CFAP54: variants seen among roughly 807,000 people sequenced by gnomAD.
CFAP54 encodes the protein cilia- and flagella-associated protein 54.
CFAP54 carries 290 observed loss-of-function variants against 370.4 expected under a neutral mutation model. That is an observed-to-expected ratio of 0.78 (90% CI 0.71 to 0.86). CFAP54 has a LOEUF of 0.86. CFAP54 is among the 40% of genes least tolerant of loss of function. The pLI, the probability that CFAP54 is intolerant of heterozygous loss-of-function variation, is 0.00. For missense variants in CFAP54, 3,399 were observed against 3,528.7 expected, an observed-to-expected ratio of 0.96 and a Z score of 0.93; for synonymous variants, 1,206 against 1,236.5, an observed-to-expected ratio of 0.98 and a Z score of 0.52.
intron 65 of CFAP54, among the ~76,000 whole-genome samples, chr12:96,822,059 A>G (rs1959041384): frequency 6.6e-6 from 1 of 152,178 alleles, no homozygotes; most frequent in African/African-American, 2.4e-5. Flanking sequence ...TTCAGAACAC[A>G]TATATTAATT....
rs752524874 is a variant in CFAP54 at position 96,580,932 on chromosome 12, G to A, written c.2902G>A (p.Gly968Ser). The A allele has an allele frequency of 1.3e-5, 20 of 1,496,098 alleles. No individual in the cohort carries two copies. The highest frequency in any genetic ancestry group is 5.1e-5 in the East Asian group (2 of 39,328). The allele number at this position is 1,496,098 out of a possible 1,614,324, so 92.7% of individuals were successfully genotyped here. A position where few individuals can be genotyped will look rare whatever the true frequency, so the allele number is the denominator to read the frequency against. Residue 968 changes from glycine to serine, a missense_variant, in exon 22 of 68, where the codon GGT (glycine) becomes AGT (serine). Transcript: ENST00000524981. ...PNSGEAIPADGKSVFEVKGLE... is the reference protein window; with the variant it reads ...PNSGEAIPADSKSVFEVKGLE... ...TTTTTCTTAATAGATACCAGCTGAC[G>A]GTAAAAGTGTTTTTGAAGTGAAAGG...
chr12:96,635,624 G>A (rs545035880), intron 32 of CFAP54, among the ~76,000 whole-genome samples: 18 of 152,250 alleles, frequency 1.2e-4, no homozygotes, highest in South Asian at 2.1e-4. Context: ...AAAGGGCTTG[G>A]TTCCACAACA....
Position 96,840,595 on chromosome 12 carries a change from T to C in CFAP54, c.9171+11507T>C, listed in dbSNP as rs144831703. ...TACTTCCTTTGGTTAAGTTGAGAGC[T>C]ACAGACTTTCTTTCTTTTCTCTGTT... On this transcript the variant is annotated intron_variant, in intron 66 of 67. Coordinates refer to ENST00000524981, the MANE Select transcript of CFAP54 (RefSeq NM_001306084.2). Among the ~76,000 whole-genome samples the C allele has an allele frequency of 1.2e-3, 177 of 149,984 alleles. 1 individual carries two copies. The East Asian group carries it at 0.032, about 27-fold the overall frequency.
intron 66 of CFAP54, among the ~76,000 whole-genome samples, chr12:96,858,825 A>G (rs1387771092): frequency 6.6e-6 from 1 of 152,232 alleles, no homozygotes; most frequent in East Asian, 1.9e-4. Context: ...TGTCCAGAGC[A>G]ATTTACAGAT....
chr12:96,819,582 T>C (rs1461992159), intron 65 of CFAP54, among the ~76,000 whole-genome samples: 1 of 152,212 alleles, frequency 6.6e-6, no homozygotes, highest in Non-Finnish European at 1.5e-5. Flanking sequence ...TTCTCTTCTA[T>C]GTATTGTTAC....
At chr12:96,708,452 C>T (rs1957569438) in intron 47 of CFAP54, among the ~76,000 whole-genome samples, 156 bp from the exon 48 acceptor site, 1 of 152,196 alleles carries the variant, frequency 6.6e-6, no homozygotes, top group Non-Finnish European at 1.5e-5. Context: ...TCCGATGTTA[C>T]ATGTCTCTCT....
chr12:96,685,079 C>A lies in CFAP54; in HGVS notation c.5855C>A (p.Pro1952Gln), dbSNP rs775743843. 15 of 1,613,932 alleles carry A rather than the reference C, an allele frequency of 9.3e-6. No individual in the cohort carries two copies. The highest frequency in any genetic ancestry group is 1.3e-5 in the Non-Finnish European group (15 of 1,179,996). ...CQALDDIFRK[P>Q]DVLHTWKEFG... ...GCTCTTGATGACATATTCAGAAAAC[C>A]AGACGTGCTACACACGTGGAAAGAA... Residue 1952 changes from proline (P) to glutamine (Q), a missense_variant, in exon 42 of 68, where the codon CCA becomes CAA. Coordinates refer to ENST00000524981, the MANE Select transcript of CFAP54 (RefSeq NM_001306084.2).
chr12:96,599,804 T>C (rs1024511401), intron 26 of CFAP54, among the ~76,000 whole-genome samples: 2 of 152,236 alleles, frequency 1.3e-5, no homozygotes, highest in African/African-American at 2.4e-5. Context: ...CATAAATGTC[T>C]TCTTTTAAGA....
At position 96,678,626 on chromosome 12, in the gene CFAP54, C is replaced by T. The variant is rs79783915; in HGVS notation, c.5564-974C>T. Among the ~76,000 whole-genome samples, 730 of 152,262 alleles carry T rather than the reference C, an allele frequency of 4.8e-3. 4 individuals carry two copies. Among genetic ancestry groups the T allele is most frequent in the African/African-American group, 0.017 (692 of 41,540 alleles). On this transcript the variant is annotated intron_variant, in intron 39 of 67. Coordinates refer to ENST00000524981, the MANE Select transcript of CFAP54 (RefSeq NM_001306084.2). ...GTCCTAATCAAGTTTTCCCTATCCT[C>T]GAAGGCACAGCTGGCCTATCTTCTC...
At chr12:96,706,656 C>A (rs926619281) in intron 47 of CFAP54, among the ~76,000 whole-genome samples, 2 of 152,086 alleles carry the variant, frequency 1.3e-5, no homozygotes, top group African/African-American at 4.8e-5. Flanking sequence ...CTGATTTATG[C>A]CATAAAGGGA....
At chr12:96,691,334 T>G in intron 44 of CFAP54, 24 bp downstream of exon 44, 1 of 1,512,942 alleles carries the variant, frequency 6.6e-7, no homozygotes, top group South Asian at 1.2e-5. Flanking sequence ...AAAATAAAAA[T>G]TATATATCAC....
At chr12:96,700,270 G>C (rs965039521) in intron 46 of CFAP54, among the ~76,000 whole-genome samples, 177 bp downstream of exon 46, 2 of 152,188 alleles carry the variant, frequency 1.3e-5, no homozygotes, top group African/African-American at 2.4e-5. Flanking sequence ...TGGGTTGGAA[G>C]AGTGTCATGG....
intron 60 of CFAP54, among the ~76,000 whole-genome samples, chr12:96,776,394 TATTA>T (rs1204247307): frequency 1.3e-5 from 2 of 152,108 alleles, no homozygotes; most frequent in African/African-American, 2.4e-5. Context: ...AATTAAAGTT[TATTA>T]ATTAATTTAA....
intron 58 of CFAP54, among the ~76,000 whole-genome samples, chr12:96,763,789 A>G (rs1043792364): frequency 5.3e-5 from 8 of 152,144 alleles, no homozygotes; most frequent in Admixed American, 6.6e-5. Context: ...AAAAATGTAT[A>G]TATATAATTT....
intron 23 of CFAP54, among the ~76,000 whole-genome samples, chr12:96,590,468 A>T (rs1243830422): frequency 6.6e-6 from 1 of 152,254 alleles, no homozygotes; most frequent in East Asian, 1.9e-4. Flanking sequence ...AATGCCTGAA[A>T]GTTTTAAAAT....
At chr12:96,560,852 T>C (rs575454295) in intron 17 of CFAP54, among the ~76,000 whole-genome samples, 1 of 152,336 alleles carries the variant, frequency 6.6e-6, no homozygotes, top group African/African-American at 2.4e-5. Context: ...CCTCCATTGG[T>C]GATCCTTCCT....
chr12:96,778,506 G>T (rs1958547659), intron 60 of CFAP54, among the ~76,000 whole-genome samples: 1 of 152,144 alleles, frequency 6.6e-6, no homozygotes, highest in South Asian at 2.1e-4. Context: ...AGTATGCTTT[G>T]CAATTTCTTC....
intron 60 of CFAP54, among the ~76,000 whole-genome samples, chr12:96,771,971 A>G (rs1958467284): frequency 6.6e-6 from 1 of 152,246 alleles, no homozygotes; most frequent in Non-Finnish European, 1.5e-5. Flanking sequence ...TTCAGTCAGA[A>G]AAAGAAAGTT....
intron 40 of CFAP54, among the ~76,000 whole-genome samples, chr12:96,683,269 A>G (rs1011522828): frequency 1.3e-5 from 2 of 152,230 alleles, no homozygotes; most frequent in African/African-American, 4.8e-5. Flanking sequence ...TATATCCTGG[A>G]TATGGAATCA....
Sources: allele counts gnomAD v4.1 joint callset (sites outside exome capture counted in the v4.1 genomes callset), GRCh38; gene constraint gnomAD v4.1.1; transcripts MANE v1.5; gene names NCBI Gene and HGNC (gene_info 2026-07-23, HGNC 2026-07-21).